The following SGK3 variants were observed in gnomAD, a reference collection of about 807,000 sequenced individuals.
SGK3 encodes the protein serum/glucocorticoid regulated kinase family member 3, also known as serine/threonine-protein kinase Sgk3.
Under a neutral mutation model 68.5 loss-of-function variants are expected in SGK3, and 47 were observed. The ratio of observed to expected loss-of-function variants is 0.69; its 90% CI spans 0.54 to 0.87. The LOEUF (loss-of-function observed/expected upper bound fraction) is 0.87. SGK3 is among the 40% of genes least tolerant of loss of function. The probability of loss-of-function intolerance (pLI) is 0.00; values close to 1 mark genes in which losing one functional copy is unlikely to be tolerated. For missense variants in SGK3, 479 were observed against 575.5 expected, an observed-to-expected ratio of 0.83 and a Z score of 1.72; for synonymous variants, 181 against 189.1, an observed-to-expected ratio of 0.96 and a Z score of 0.35.
At chr8:66,827,418 C>A (rs1809109533) in intron 6 of SGK3, among the ~76,000 whole-genome samples, 1 of 141,502 alleles carries the variant, frequency 7.1e-6, no homozygotes. Context: ...AGTATTGGTT[C>A]TGATTAGAGA....
chr8:66,819,815 G>C (rs1356539411), intron 5 of SGK3, among the ~76,000 whole-genome samples: 7 of 149,488 alleles, frequency 4.7e-5, no homozygotes, highest in African/African-American at 1.7e-4. Context: ...TTTGTTTTTT[G>C]TTTTTTGGTT....
At chr8:66,840,436 G>C (rs1809754212) in intron 12 of SGK3, among the ~76,000 whole-genome samples, 189 bp downstream of exon 12, 1 of 152,160 alleles carries the variant, frequency 6.6e-6, no homozygotes, top group Non-Finnish European at 1.5e-5. Flanking sequence ...AGAGTGCAAA[G>C]ATAAAGGGGT....
intron 1 of SGK3, among the ~76,000 whole-genome samples, chr8:66,782,639 C>T (rs1807037821): frequency 6.6e-6 from 1 of 152,166 alleles, no homozygotes; most frequent in African/African-American, 2.4e-5. Context: ...ATCGTTTCAC[C>T]CTGTGCCCCA....
intron 1 of SGK3, among the ~76,000 whole-genome samples, chr8:66,770,265 C>G (rs1370949900): frequency 6.6e-6 from 1 of 152,092 alleles, no homozygotes; most frequent in African/African-American, 2.4e-5. Context: ...CTAGTGATTA[C>G]TTTTTATCTC....
intron 1 of SGK3, among the ~76,000 whole-genome samples, chr8:66,715,721 A>G (rs897320206): frequency 6.6e-6 from 1 of 152,218 alleles, no homozygotes; most frequent in Non-Finnish European, 1.5e-5. Flanking sequence ...TCAACTATTT[A>G]TATGCTTTAA....
At chr8:66,810,697 G>A (rs998096638) in intron 4 of SGK3, among the ~76,000 whole-genome samples, 4 of 152,090 alleles carry the variant, frequency 2.6e-5, no homozygotes, top group Non-Finnish European at 4.4e-5. Context: ...ATGAAACTCC[G>A]TCTCAACGAA....
At chr8:66,753,735 A>T (rs913286532) in intron 1 of SGK3, among the ~76,000 whole-genome samples, 2 of 151,912 alleles carry the variant, frequency 1.3e-5, no homozygotes, top group Non-Finnish European at 2.9e-5. Flanking sequence ...CAGGAGAATC[A>T]CTCGAACCTG....
chr8:66,860,447 T>G lies in SGK3; in HGVS notation c.*866T>G, dbSNP rs1439664305. 4.0e-5 allele frequency: 6 copies of G among 151,116 alleles called. No homozygotes were observed. Among genetic ancestry groups the G allele is most frequent in the Non-Finnish European group, 8.8e-5 (6 of 67,806 alleles). The allele number at this position is 151,116 out of a possible 1,614,324, so 9.4% of individuals were successfully genotyped here. ...CCTGCCTGGGCAACAAGAGTGAAACTCCATCTCCAAAAAAAAAAAGAAAAA... is the reference window on the plus strand; with the variant it reads ...CCTGCCTGGGCAACAAGAGTGAAACGCCATCTCCAAAAAAAAAAAGAAAAA... On this transcript the variant is annotated 3_prime_UTR_variant, in exon 17 of 17. Coordinates refer to ENST00000521198, the MANE Select transcript of SGK3 (RefSeq NM_001033578.3).
intron 8 of SGK3, among the ~76,000 whole-genome samples, chr8:66,834,495 GT>G (rs1809428948): frequency 6.7e-6 from 1 of 150,120 alleles, no homozygotes; most frequent in African/African-American, 2.5e-5. Context: ...GTTTTGTTTT[GT>G]TTTTTTGAAC....
intron 3 of SGK3, among the ~76,000 whole-genome samples, chr8:66,802,721 G>T (rs1197580538): frequency 6.6e-6 from 1 of 151,082 alleles, no homozygotes; most frequent in Non-Finnish European, 1.5e-5. Context: ...AGGGGAGGGG[G>T]CGAAGGAAGG....
At chr8:66,762,533 A>C (rs1183519501) in intron 1 of SGK3, among the ~76,000 whole-genome samples, 1 of 152,024 alleles carries the variant, frequency 6.6e-6, no homozygotes, top group Non-Finnish European at 1.5e-5. Context: ...AAAACCAAAA[A>C]CAAAAATATA....
chr8:66,793,730 G>GAATCA lies in SGK3; in HGVS notation c.-7_-6insAATCA. 1 of 1,611,768 alleles carries GAATCA rather than the reference G, an allele frequency of 6.2e-7. No individual in the cohort carries two copies. Among genetic ancestry groups the GAATCA allele is most frequent in the Non-Finnish European group, 8.5e-7 (1 of 1,178,746 alleles). On this transcript the variant is annotated 5_prime_UTR_variant, in exon 2 of 17. Transcript: ENST00000521198. ...ATGCATTTTTTGGTGTGCTCTTGAG[G>GAATCA]GATTAAATGCAAAGAGATCACACCA...
chr8:66,861,350 A>G lies in SGK3; in HGVS notation c.*1769A>G, dbSNP rs917215051. On this transcript the variant is annotated 3_prime_UTR_variant, in exon 17 of 17. Transcript: ENST00000521198. ...GCCGGGCACGGTGGCTCATGCCTAT[A>G]AAATTCCAGCACTTTGGGAGGCCAA... 2 of 152,124 alleles carry G rather than the reference A, an allele frequency of 1.3e-5. No individual in the cohort carries two copies. The highest frequency in any genetic ancestry group is 4.8e-5 in the African/African-American group (2 of 41,406). 9.4% of individuals were successfully genotyped at this position (152,124 alleles called of 1,614,324 possible). A position where few individuals can be genotyped will look rare whatever the true frequency, so the allele number is the denominator to read the frequency against.
intron 7 of SGK3, among the ~76,000 whole-genome samples, chr8:66,829,801 GT>G (rs1023131019): frequency 1.6e-4 from 24 of 151,702 alleles, no homozygotes; most frequent in Admixed American, 1.1e-3. Flanking sequence ...CTAACTGGAA[GT>G]TTGGTTTTAA....
At chr8:66,846,961 G>A (rs767296821) in intron 14 of SGK3, among the ~76,000 whole-genome samples, 125 of 152,220 alleles carry the variant, frequency 8.2e-4, no homozygotes, top group Non-Finnish European at 1.5e-3. Context: ...TGTCTACAAG[G>A]TGCTATTGAA....
rs530574021 is a variant in SGK3 at position 66,791,850 on chromosome 8, A to T, written c.-121-1766A>T. 9.0e-4 allele frequency among the ~76,000 whole-genome samples: 137 copies of T among 152,320 alleles called. 3 individuals are homozygous for T. Among genetic ancestry groups the T allele is most frequent in the South Asian group, 8.9e-3 (43 of 4,830 alleles). ...ATAGGTTCCACCTGCTCTCATGCTT[A>T]GACAGTAGATTGCTGTGACAGGTGG... is the stretch of plus-strand genomic sequence containing the variant. On this transcript the variant is annotated intron_variant, in intron 1 of 16. Coordinates refer to ENST00000521198, the MANE Select transcript of SGK3 (RefSeq NM_001033578.3).
chr8:66,806,804 ACT>A lies in SGK3; in HGVS notation c.253+2360_253+2361del, dbSNP rs1421440594. ...ACTCCAGCCTGGGCAACAGAGCAAG[ACT>A]CTGTCTCGAAAAAAAAAAAAAAAAA... is the stretch of plus-strand genomic sequence containing the variant. On this transcript the variant is annotated intron_variant, in intron 4 of 16. Coordinates refer to ENST00000521198, the MANE Select transcript of SGK3 (RefSeq NM_001033578.3). Among the ~76,000 whole-genome samples, 6 of 147,372 alleles carry A rather than the reference ACT, an allele frequency of 4.1e-5. No homozygotes were observed. The Middle Eastern group carries it at 0.01, about 256-fold the overall frequency.
intron 6 of SGK3, among the ~76,000 whole-genome samples, chr8:66,826,234 G>C (rs1809051208): frequency 6.6e-6 from 1 of 152,070 alleles, no homozygotes; most frequent in Non-Finnish European, 1.5e-5. Flanking sequence ...GCCTCCCAAA[G>C]TGCTGGGATT....
At chr8:66,817,453 G>C (rs984444774) in intron 5 of SGK3, among the ~76,000 whole-genome samples, 1 of 151,222 alleles carries the variant, frequency 6.6e-6, no homozygotes, top group Non-Finnish European at 1.5e-5. Context: ...AAAAACAAAC[G>C]GAGTTTCACC....
Sources: gnomAD v4.1 joint callset for allele counts (sites outside exome capture counted in the v4.1 genomes callset) on GRCh38, gnomAD v4.1.1 for gene constraint, MANE v1.5 for transcripts, NCBI Gene and HGNC (gene_info 2026-07-23, HGNC 2026-07-21) for gene names.